Variants in RYR3 observed in about 807,000 individuals in gnomAD.
RYR3 encodes the protein brain ryanodine receptor-calcium release channel.
Under a neutral mutation model 584.3 loss-of-function variants are expected in RYR3, and 207 were observed. The observed-to-expected ratio is 0.35, with a 90% CI of 0.32 to 0.40. The LOEUF is 0.40. RYR3 is among the 10% of genes least tolerant of loss of function. RYR3 has a pLI of 1.00. For missense variants in RYR3, 5,616 were observed against 6,089.2 expected (o/e 0.92, Z 2.59); for synonymous variants, 2,416 against 2,248.5 (o/e 1.07, Z -2.11).
chr15:33,711,479 G>A (rs112106690), intron 43 of RYR3, among the ~76,000 whole-genome samples: 1,825 of 152,044 alleles, frequency 0.012, 29 homozygotes, highest in African/African-American at 0.041. Flanking sequence ...TCCTGACTTC[G>A]TGATCCACCC....
chr15:33,529,093 A>T (rs1039987509), intron 3 of RYR3, among the ~76,000 whole-genome samples: 3 of 152,266 alleles, frequency 2.0e-5, no homozygotes, highest in African/African-American at 2.4e-5. Flanking sequence ...TAATTTTAAC[A>T]TTAGCTGTTG....
At chr15:33,520,060 A>G (rs1307229428) in intron 3 of RYR3, among the ~76,000 whole-genome samples, 1 of 152,232 alleles carries the variant, frequency 6.6e-6, no homozygotes, top group East Asian at 1.9e-4. Context: ...CAGGACATCC[A>G]AGGGGGAAAA....
At chr15:33,331,634 CTT>C (rs1166808353) in intron 1 of RYR3, among the ~76,000 whole-genome samples, 1 of 151,592 alleles carries the variant, frequency 6.6e-6, no homozygotes, top group Admixed American at 6.6e-5. Context: ...AGAATAAAGA[CTT>C]AAGACATTTT....
In RYR3 at chr15:33,840,777, G is replaced by T. The variant is rs751003285; in HGVS notation, c.12979-48G>T. 18 of 1,578,016 alleles carry T rather than the reference G, an allele frequency of 1.1e-5. No individual in the cohort carries two copies. The Admixed American group carries it at 3.1e-4, about 27-fold the overall frequency. On this transcript the variant is annotated intron_variant, in intron 89 of 103. Coordinates refer to ENST00000634891, the MANE Select transcript of RYR3 (RefSeq NM_001036.6). ...GGCCAAGAAAATGTCTCATCATCAT[G>T]ACCTCGCTTCTTTGAGGAAAGCTTG...
chr15:33,826,646 G>A (rs1263417068), intron 83 of RYR3, 26 bp from the exon 84 acceptor site: 3 of 1,583,460 alleles, frequency 1.9e-6, no homozygotes, highest in Non-Finnish European at 1.7e-6. Flanking sequence ...CCAAACCAAT[G>A]CTCATCAACG....
At chr15:33,790,229 G>A (rs77418071) in intron 67 of RYR3, among the ~76,000 whole-genome samples, 28,770 of 150,826 alleles carry the variant, frequency 0.19, 3,473 homozygotes, top group South Asian at 0.29. Flanking sequence ...TCCTGACCTC[G>A]TGATCCACCC....
At position 33,560,325 on chromosome 15, in the gene RYR3, C is replaced by T. The variant is rs1865494; in HGVS notation, c.973-2512C>T. Among the ~76,000 whole-genome samples, 131 of 152,318 alleles carry T rather than the reference C, an allele frequency of 8.6e-4. 2 individuals are homozygous for T. Among genetic ancestry groups the T allele is most frequent in the Admixed American group, 7.7e-3 (118 of 15,294 alleles). ...TGTTCTATTACATTAGAAGTGCCCA[C>T]TGCAGTGACTGCCGTAGAATTTGGA... On this transcript the variant is annotated intron_variant, in intron 10 of 103. Coordinates refer to ENST00000634891, the MANE Select transcript of RYR3 (RefSeq NM_001036.6).
chr15:33,825,875 G>T, intron 82 of RYR3, 199 bp downstream of exon 82: 1 of 530,748 alleles, frequency 1.9e-6, no homozygotes, highest in Non-Finnish European at 3.3e-6. Flanking sequence ...TGGGATTACA[G>T]GCTCCCACCA....
intron 2 of RYR3, among the ~76,000 whole-genome samples, chr15:33,501,498 C>T (rs1012539358): frequency 6.6e-6 from 1 of 152,144 alleles, no homozygotes; most frequent in African/African-American, 2.4e-5. Context: ...TTAAAGCAGA[C>T]TTTAAAGGGC....
In RYR3 at chr15:33,731,667, T is replaced by C; in HGVS notation, c.7397T>C (p.Ile2466Thr). Reference protein sequence around the residue: ...RSLTKAQRDTIEECLLAICNH... With the variant: ...RSLTKAQRDTTEECLLAICNH... ...CTCACCAAAGCACAAAGGGACACTATAGAAGAATGTTTGCTTGCCATTTGC... is the reference window on the plus strand; with the variant it reads ...CTCACCAAAGCACAAAGGGACACTACAGAAGAATGTTTGCTTGCCATTTGC... The change falls in exon 48 of 104, where the codon ATA becomes ACA. Residue 2466 changes from isoleucine (I) to threonine (T), a missense_variant. Physicochemically the swap from Ile to Thr is moderately conservative, Grantham distance 89. Around this residue, in one of 9 missense-constraint regions of RYR3, gnomAD observed 1,280 missense variants for 1,426.2 expected, o/e 0.90. Transcript: ENST00000634891. The C allele has an allele frequency of 5.0e-6, 8 of 1,612,608 alleles. No individual in the cohort carries two copies. The highest frequency in any genetic ancestry group is 6.8e-6 in the Non-Finnish European group (8 of 1,178,718).
intron 1 of RYR3, among the ~76,000 whole-genome samples, chr15:33,345,473 G>A (rs567281531): frequency 1.9e-4 from 29 of 152,178 alleles, no homozygotes; most frequent in African/African-American, 6.0e-4. Flanking sequence ...GTTCCTTACC[G>A]CTCTAAAGGC....
intron 38 of RYR3, among the ~76,000 whole-genome samples, chr15:33,695,841 A>T (rs2065810171): frequency 6.6e-6 from 1 of 151,222 alleles, no homozygotes; most frequent in Non-Finnish European, 1.5e-5. Flanking sequence ...GCTGCAGTGC[A>T]GTGATGCAGT....
intron 87 of RYR3, 49 bp downstream of exon 87, chr15:33,835,121 C>A: frequency 1.5e-6 from 2 of 1,356,452 alleles, no homozygotes; most frequent in South Asian, 2.4e-5. Context: ...AATGCTAAGT[C>A]AGTCCTCACT....
chr15:33,615,605 G>A (rs1326160291), intron 19 of RYR3, among the ~76,000 whole-genome samples: 1 of 152,184 alleles, frequency 6.6e-6, no homozygotes. Flanking sequence ...GCTTTACTGA[G>A]GTTGAAAATC....
intron 12 of RYR3, among the ~76,000 whole-genome samples, chr15:33,578,935 G>A (rs548553481): frequency 1.4e-4 from 21 of 152,272 alleles, no homozygotes; most frequent in African/African-American, 5.1e-4. Context: ...TACTCCTCAA[G>A]GAGATGGGGA....
In RYR3 at chr15:33,854,472, C is replaced by T. The variant is rs752861083; in HGVS notation, c.13860+23C>T. 6 of 1,543,426 alleles carry T rather than the reference C, an allele frequency of 3.9e-6. No homozygotes were observed. The East Asian group carries it at 1.2e-4, about 30-fold the overall frequency. ...AACGTAAGTACTGCACCTGGAAAAACAAAATTCTATACCCCAGTTCAGGGA... is the reference window on the plus strand; with the variant it reads ...AACGTAAGTACTGCACCTGGAAAAATAAAATTCTATACCCCAGTTCAGGGA... On this transcript the variant is annotated intron_variant, in intron 97 of 103. Coordinates refer to ENST00000634891, the MANE Select transcript of RYR3 (RefSeq NM_001036.6).
At chr15:33,578,049 A>G (rs56359768) in intron 12 of RYR3, among the ~76,000 whole-genome samples, 2,297 of 152,346 alleles carry the variant, frequency 0.015, 59 homozygotes, top group African/African-American at 0.053. Flanking sequence ...GCAAGTCAAA[A>G]CCACAATGAC....
intron 1 of RYR3, among the ~76,000 whole-genome samples, chr15:33,428,992 A>G (rs2044887193): frequency 6.6e-6 from 1 of 152,212 alleles, no homozygotes; most frequent in African/African-American, 2.4e-5. Flanking sequence ...GCACTTCTAC[A>G]GGAACCTAGT....
chr15:33,314,941 C>CA (rs1567010233), intron 1 of RYR3, among the ~76,000 whole-genome samples: 4,139 of 95,820 alleles, frequency 0.043, 205 homozygotes, highest in African/African-American at 0.11. Flanking sequence ...AAAAAAAAAA[C>CA]CAAAAAAAAA....
Sources: gnomAD v4.1 joint callset for allele counts (sites outside exome capture counted in the v4.1 genomes callset) on GRCh38, gnomAD v4.1.1 for gene constraint, gnomAD v4.1.1 regional missense constraint, MANE v1.5 for transcripts, NCBI Gene and HGNC (gene_info 2026-07-23, HGNC 2026-07-21) for gene names.